MAG: variants seen among roughly 807,000 people sequenced by gnomAD.
MAG encodes myelin associated glycoprotein, also known as myelin-associated glycoprotein.
A neutral mutation model predicts 60.7 loss-of-function variants in MAG; 30 were observed. The ratio of observed to expected loss-of-function variants is 0.49; its 90% CI spans 0.37 to 0.67. MAG has a LOEUF of 0.67. Ranked by LOEUF, MAG falls within the 30% of genes least tolerant of loss-of-function variation. The pLI, the probability that MAG is intolerant of heterozygous loss-of-function variation, is 0.00. For missense variants in MAG, 795 were observed against 851.7 expected (o/e 0.93, Z 0.83); for synonymous variants, 384 against 376.8 (o/e 1.02, Z -0.22).
rs200404904 is a variant in MAG at position 35,300,275 on chromosome 19, C to T, written c.841C>T (p.Arg281Trp). The T allele has an allele frequency of 4.4e-6, 7 of 1,598,550 alleles. No homozygotes were observed. Among genetic ancestry groups the T allele is most frequent in the South Asian group, 2.2e-5 (2 of 90,624 alleles). The change falls in exon 6 of 11, where the codon CGG (arginine) becomes TGG (tryptophan). Residue 281 changes from arginine (R) to tryptophan (W), a missense_variant. Arg to Trp is a moderately radical substitution (Grantham distance 101). Transcript: ENST00000392213. ...CTGGATGCGGGACGGGACAGTCCTCCGGGAGGCGGTGGCCGAGAGCCTGCT... is the reference window on the plus strand; with the variant it reads ...CTGGATGCGGGACGGGACAGTCCTCTGGGAGGCGGTGGCCGAGAGCCTGCT... Reference protein sequence around the residue: ...LTWMRDGTVLREAVAESLLLE... With the variant: ...LTWMRDGTVLWEAVAESLLLE...
Position 35,299,870 on chromosome 19 carries a change from G to C in MAG, c.712+20G>C. On this transcript the variant is annotated intron_variant, in intron 5 of 10. Coordinates refer to ENST00000392213, the MANE Select transcript of MAG (RefSeq NM_002361.4). ...TCAAGTGTGAGCCTGGGTGCGGGCG[G>C]GGCGGGGTGGGGCGGGGTGGGGCGG... is the stretch of plus-strand genomic sequence containing the variant. 2 of 799,172 alleles carry C rather than the reference G, an allele frequency of 2.5e-6. No homozygotes were observed. The highest frequency in any genetic ancestry group is 4.0e-5 in the African/African-American group (2 of 49,794). 49.5% of individuals were successfully genotyped at this position (799,172 alleles called of 1,614,324 possible). A position where few individuals can be genotyped will look rare whatever the true frequency, so the allele number is the denominator to read the frequency against.
intron 4 of MAG, among the ~76,000 whole-genome samples, chr19:35,298,856 G>T (rs1451055320): frequency 7.2e-6 from 1 of 139,178 alleles, no homozygotes; most frequent in East Asian, 2.2e-4. Context: ...CACCACACAT[G>T]ACACAGACCA....
intron 4 of MAG, among the ~76,000 whole-genome samples, chr19:35,296,566 T>C (rs2066399568): frequency 6.6e-6 from 1 of 152,180 alleles, no homozygotes; most frequent in Non-Finnish European, 1.5e-5. Flanking sequence ...TTTAAAATCC[T>C]TTAAGCCAAA....
chr19:35,301,904 TC>T (rs35830760), intron 6 of MAG, among the ~76,000 whole-genome samples: 41,499 of 151,976 alleles, frequency 0.27, 6,709 homozygotes, highest in African/African-American at 0.46. Context: ...CCCCCGGCAT[TC>T]CCCACGGCTG....
intron 1 of MAG, 76 bp downstream of exon 1, chr19:35,292,280 C>A: frequency 2.2e-6 from 1 of 455,808 alleles, no homozygotes; most frequent in Non-Finnish European, 4.4e-6. Flanking sequence ...TGAGCAGGGT[C>A]AGGTGCTCTG....
At chr19:35,312,639 C>A in intron 10 of MAG, 2 of 482,326 alleles carry the variant, frequency 4.1e-6, no homozygotes, top group Non-Finnish European at 3.7e-6. Context: ...GGGCACGTAC[C>A]AAACCAGGTA....
chr19:35,313,403 C>A lies in MAG; in HGVS notation c.1830C>A (p.Ser610Arg). The A allele has an allele frequency of 6.2e-7, 1 of 1,614,018 alleles. No individual in the cohort carries two copies. The highest frequency in any genetic ancestry group is 1.1e-5 in the South Asian group (1 of 91,080). Residue 610 changes from serine to arginine, a missense_variant, in exon 11 of 11, where the codon AGC (serine) becomes AGA (arginine). Coordinates refer to ENST00000392213, the MANE Select transcript of MAG (RefSeq NM_002361.4). ...SDLGKRPTKD[S>R]YTLTEELAEY... ...TGGGGAAACGGCCCACCAAGGACAGCTACACGCTGACGGAGGAGCTAGCTG... is the reference window on the plus strand; with the variant it reads ...TGGGGAAACGGCCCACCAAGGACAGATACACGCTGACGGAGGAGCTAGCTG...
At position 35,293,057 on chromosome 19, in the gene MAG, C is replaced by T. The variant is rs931630839; in HGVS notation, c.-80+853C>T. ...CCCCCATCCCGAGAACTTGTTTTCC[C>T]CGCTGTTAAGAGTGCATGGTCTACC... On this transcript the variant is annotated intron_variant, in intron 1 of 10. Transcript: ENST00000392213. This position sits in a 1 kb window ranked among gnomAD's most constrained non-coding sequence, Gnocchi z 4.0. Among the ~76,000 whole-genome samples the T allele has an allele frequency of 2.0e-5, 3 of 152,138 alleles. No homozygotes were observed. Among genetic ancestry groups the T allele is most frequent in the Admixed American group, 2.0e-4 (3 of 15,272 alleles).
intron 9 of MAG, among the ~76,000 whole-genome samples, chr19:35,311,519 A>G (rs1325806241): frequency 6.6e-6 from 1 of 152,154 alleles, no homozygotes; most frequent in South Asian, 2.1e-4. Context: ...GCCCCAAACC[A>G]TACCCACCTG....
chr19:35,295,455 G>T lies in MAG; in HGVS notation c.46+1G>T. On this transcript the variant is annotated splice_donor_variant, in intron 3 of 10. Transcript: ENST00000392213. LOFTEE classifies it high-confidence loss of function. This position sits in a 1 kb window ranked among gnomAD's most constrained non-coding sequence, Gnocchi z 5.8. ...CCTCTGTTCTGGATTATGATTTCAG[G>T]TAACGGCTGACAGGTGCTGGGGACC... 6.2e-7 allele frequency: 1 copy of T among 1,613,990 alleles called. No individual in the cohort carries two copies. The highest frequency in any genetic ancestry group is 1.1e-5 in the South Asian group (1 of 91,070).
chr19:35,306,378 G>A (rs9304870), intron 7 of MAG, among the ~76,000 whole-genome samples: 2 of 151,884 alleles, frequency 1.3e-5, no homozygotes, highest in South Asian at 2.1e-4. Context: ...ACCTCTCTGC[G>A]GGAATGGTTC....
At chr19:35,303,774 A>G (rs576147854) in intron 7 of MAG, among the ~76,000 whole-genome samples, 16 of 152,056 alleles carry the variant, frequency 1.1e-4, no homozygotes, top group African/African-American at 3.6e-4. Flanking sequence ...TCTCCTCACT[A>G]TGGACTGTGC....
rs764345835 is a variant in MAG, at chr19:35,313,475, G to A, written c.*21G>A. 15 of 1,599,002 alleles carry A rather than the reference G, an allele frequency of 9.4e-6. No individual in the cohort carries two copies. In the South Asian group the frequency reaches 1.2e-4, roughly 13 times the overall value. Reference sequence around the variant, plus strand: ...AGTGAAGGAGCTGGGGGCAGCCTGCGTGGCTGACCCCCCTCAGGACCCTCG... The same window carrying A: ...AGTGAAGGAGCTGGGGGCAGCCTGCATGGCTGACCCCCCTCAGGACCCTCG... On this transcript the variant is annotated 3_prime_UTR_variant, in exon 11 of 11. Coordinates refer to ENST00000392213, the MANE Select transcript of MAG (RefSeq NM_002361.4).
chr19:35,295,238 C>A lies in MAG; in HGVS notation c.-23-148C>A, dbSNP rs2066386957. ...TTCCAGCCCGGGCAATGAAACAAGACCCTGTCTCAGAAAAATAAGTAAATA... is the reference window on the plus strand; with the variant it reads ...TTCCAGCCCGGGCAATGAAACAAGAACCTGTCTCAGAAAAATAAGTAAATA... On this transcript the variant is annotated intron_variant, in intron 2 of 10. Transcript: ENST00000392213. This position sits in a 1 kb window ranked among gnomAD's most constrained non-coding sequence, Gnocchi z 5.8. 1.4e-6 allele frequency: 1 copy of A among 724,742 alleles called. No individual in the cohort carries two copies. Among genetic ancestry groups the A allele is most frequent in the Non-Finnish European group, 2.3e-6 (1 of 432,144 alleles). The allele number at this position is 724,742 out of a possible 1,614,324, so 44.9% of individuals were successfully genotyped here.
intron 7 of MAG, among the ~76,000 whole-genome samples, chr19:35,305,068 T>C (rs1166174921): frequency 6.6e-6 from 1 of 152,178 alleles, no homozygotes; most frequent in Non-Finnish European, 1.5e-5. Flanking sequence ...CCGGCTTCTC[T>C]TGAAAACGAA....
intron 7 of MAG, among the ~76,000 whole-genome samples, chr19:35,306,787 G>A (rs572462557): frequency 2.6e-5 from 4 of 152,280 alleles, no homozygotes; most frequent in South Asian, 2.1e-4. Flanking sequence ...TCGGAGTCCC[G>A]TAGCCCCTTG....
chr19:35,300,386 G>T lies in MAG; in HGVS notation c.952G>T (p.Val318Leu), dbSNP rs745476534. 1 of 1,578,370 alleles carries T rather than the reference G, an allele frequency of 6.3e-7. No homozygotes were observed. The highest frequency in any genetic ancestry group is 8.6e-7 in the Non-Finnish European group (1 of 1,164,794). Reference sequence around the variant, plus strand: ...TGCCTATGGCCAGGACAACCGCACCGTGGGGCTCAGTGTCATGTGTGAGTG... The same window carrying T: ...TGCCTATGGCCAGGACAACCGCACCTTGGGGCTCAGTGTCATGTGTGAGTG... The part of the protein sequence containing the change: ...ENAYGQDNRT[V>L]GLSVMYAPWK... Residue 318 changes from valine (V) to leucine (L), a missense_variant, in exon 6 of 11, where the codon GTG (valine) becomes TTG (leucine). Physicochemically the swap from Val to Leu is conservative, Grantham distance 32 (BLOSUM62 1). Transcript: ENST00000392213.
chr19:35,313,385 ACGGC>A lies in MAG; in HGVS notation c.1814_1817del (p.Arg605ProfsTer8). On this transcript the variant is annotated frameshift_variant, in exon 11 of 11. Coordinates refer to ENST00000392213, the MANE Select transcript of MAG (RefSeq NM_002361.4). LOFTEE classifies it high-confidence loss of function. Reference sequence around the variant, plus strand: ...GCTATTCTCACTCGGACCTGGGGAAACGGCCCACCAAGGACAGCTACACGCTGAC... The same window carrying A: ...GCTATTCTCACTCGGACCTGGGGAAACCACCAAGGACAGCTACACGCTGAC... 6.2e-7 allele frequency: 1 copy of A among 1,614,072 alleles called. No homozygotes were observed. Among genetic ancestry groups the A allele is most frequent in the Non-Finnish European group, 8.5e-7 (1 of 1,179,982 alleles).
intron 4 of MAG, among the ~76,000 whole-genome samples, chr19:35,296,211 C>T (rs570474558): frequency 1.3e-5 from 2 of 152,348 alleles, no homozygotes; most frequent in South Asian, 4.1e-4. Context: ...GAAACAGGTG[C>T]TGCTACTCTT....
Sources: allele counts gnomAD v4.1 joint callset (sites outside exome capture counted in the v4.1 genomes callset), GRCh38; gene constraint gnomAD v4.1.1; non-coding constraint Gnocchi (gnomAD v3.1); transcripts MANE v1.5; gene names NCBI Gene and HGNC (gene_info 2026-07-23, HGNC 2026-07-21).